BRD8: variants seen among roughly 807,000 people sequenced by gnomAD.
The protein encoded by BRD8 is bromodomain containing 8, also known as bromodomain-containing protein 8.
Under a neutral mutation model 143.1 loss-of-function variants are expected in BRD8, and 67 were observed. The ratio of observed to expected loss-of-function variants is 0.47; its 90% CI spans 0.38 to 0.57. The LOEUF (loss-of-function observed/expected upper bound fraction) is 0.57. BRD8 is among the 20% of genes least tolerant of loss of function. The probability of loss-of-function intolerance (pLI) is 0.00; values close to 1 mark genes in which losing one functional copy is unlikely to be tolerated. For synonymous variants in BRD8, 505 were observed against 517.1 expected (o/e 0.98, Z 0.32); for missense variants, 1,103 against 1,503.0 (o/e 0.73, Z 4.40).
intron 10 of BRD8, 191 bp downstream of exon 10, chr5:138,166,327 G>C (rs1480728212): frequency 3.3e-5 from 20 of 614,498 alleles, no homozygotes; most frequent in Non-Finnish European, 5.4e-5. Context: ...GCCTCTTCCT[G>C]CAATACATAA....
chr5:138,156,041 AT>A (rs1011162221), intron 20 of BRD8, among the ~76,000 whole-genome samples: 180 of 143,832 alleles, frequency 1.3e-3, no homozygotes, highest in South Asian at 1.1e-3. Context: ...TGCTGGGCTA[AT>A]TTTTTTTTTT....
intron 19 of BRD8, 24 bp from the exon 20 acceptor site, chr5:138,159,623 G>C (rs773910138): frequency 1.2e-6 from 2 of 1,612,598 alleles, no homozygotes; most frequent in African/African-American, 1.3e-5. Flanking sequence ...AACAAACACT[G>C]ATCAGGTTCC....
intron 3 of BRD8, 117 bp downstream of exon 3, chr5:138,171,948 T>A: frequency 1.3e-6 from 1 of 799,118 alleles, no homozygotes. Context: ...AAAGGTATTC[T>A]CAACTATTTT....
chr5:138,168,414 T>C, intron 8 of BRD8: 2 of 1,223,266 alleles, frequency 1.6e-6, no homozygotes, highest in Non-Finnish European at 1.2e-6. Flanking sequence ...TCCCAGGCAC[T>C]CCCTTCCAAG....
chr5:138,172,276 G>A (rs1259405318), intron 2 of BRD8, 142 bp from the exon 3 acceptor site: 6 of 598,986 alleles, frequency 1.0e-5, no homozygotes, highest in Admixed American at 3.0e-5. Context: ...TGTAATCCCA[G>A]CACTTTGGGA....
Position 138,144,118 on chromosome 5 carries a change from G to A in BRD8, c.3437+1059C>T, listed in dbSNP as rs557660831. Among the ~76,000 whole-genome samples, 54 of 152,252 alleles carry A rather than the reference G, an allele frequency of 3.5e-4. 1 individual carries two copies. The highest frequency in any genetic ancestry group is 3.9e-4 in the East Asian group (2 of 5,188). The stretch of plus-strand genomic sequence containing the variant: ...CCCAACAAGAGGAATAAACAACTCC[G>A]GATGTACCACCTTTAAGAGCTGTAA... On this transcript the variant is annotated intron_variant, in intron 25 of 26. Coordinates refer to ENST00000254900, the MANE Select transcript of BRD8 (RefSeq NM_139199.2).
At position 138,166,605 on chromosome 5, in the gene BRD8, C is replaced by G; in HGVS notation, c.910G>C (p.Val304Leu). The part of the protein sequence containing the change: ...VKLVPPPVES[V>L]SQATIVMMPA... ...ATCATGACAATGGTAGCTTGGGACA[C>G]AGACTCTACAGGGGGTGGCACAAGT... The change falls in exon 10 of 27, where the codon GTG becomes CTG. Residue 304 changes from valine to leucine, a missense_variant. By Grantham distance (32) the Val-to-Leu change is conservative. This residue lies in a region of BRD8 where 334 missense variants were observed against 372.5 expected (regional missense o/e 0.90). Coordinates refer to ENST00000254900, the MANE Select transcript of BRD8 (RefSeq NM_139199.2). The G allele has an allele frequency of 6.2e-7, 1 of 1,613,850 alleles. No individual in the cohort carries two copies. The highest frequency in any genetic ancestry group is 8.5e-7 in the Non-Finnish European group (1 of 1,179,792).
intron 10 of BRD8, 127 bp from the exon 11 acceptor site, chr5:138,166,235 C>CA (rs1753409874): frequency 1.8e-5 from 13 of 722,748 alleles, no homozygotes. Context: ...GAGTCATCAA[C>CA]ATGTGCCTAT....
chr5:138,169,120 A>C (rs1753670745), intron 8 of BRD8, 102 bp downstream of exon 8: 1 of 1,263,288 alleles, frequency 7.9e-7, no homozygotes, highest in African/African-American at 1.5e-5. Context: ...TCAGATCAAG[A>C]GAGGAAGTTG....
chr5:138,154,851 G>T (rs1361491002), intron 20 of BRD8, among the ~76,000 whole-genome samples: 2 of 135,278 alleles, frequency 1.5e-5, no homozygotes, highest in Non-Finnish European at 3.1e-5. Flanking sequence ...TTTTTTTTGA[G>T]ATGGAGTCTT....
chr5:138,146,152 G>A (rs993559398), intron 23 of BRD8, among the ~76,000 whole-genome samples: 1 of 151,670 alleles, frequency 6.6e-6, no homozygotes, highest in African/African-American at 2.4e-5. Context: ...CTGCCTCCCG[G>A]GTTCCAGCGA....
At chr5:138,142,173 A>G (rs1751935086) in intron 25 of BRD8, among the ~76,000 whole-genome samples, 1 of 152,172 alleles carries the variant, frequency 6.6e-6, no homozygotes, top group Non-Finnish European at 1.5e-5. Context: ...CCCTTCTGCC[A>G]TGTGAGGATA....
chr5:138,172,490 T>C (rs1753945484), intron 2 of BRD8, among the ~76,000 whole-genome samples: 1 of 112,968 alleles, frequency 8.9e-6, no homozygotes, highest in Non-Finnish European at 1.6e-5. Context: ...ACCACCGCAC[T>C]CCAGCCTGGG....
chr5:138,164,905 C>T lies in BRD8; in HGVS notation c.1540G>A (p.Glu514Lys). ...GCTCCTGAAATGACTGGCTCTGGTT[C>T]TGCAGGTTCCACCTTGATCTCTGCA... Reference protein sequence around the residue: ...PSAEIKVEPAEPEPVISGAEI... With the variant: ...PSAEIKVEPAKPEPVISGAEI... The change falls in exon 12 of 27, where the codon GAA (glutamate) becomes AAA (lysine). Residue 514 changes from glutamate to lysine, a missense_variant. Glu to Lys is a moderately conservative substitution (Grantham distance 56). This residue lies in a region of BRD8 where 139 missense variants were observed against 139.0 expected (regional missense o/e 1.00). Transcript: ENST00000254900. The T allele has an allele frequency of 6.2e-7, 1 of 1,614,206 alleles. No individual in the cohort carries two copies. Among genetic ancestry groups the T allele is most frequent in the Admixed American group, 1.7e-5 (1 of 60,026 alleles).
intron 21 of BRD8, 72 bp from the exon 22 acceptor site, chr5:138,151,080 A>G: frequency 6.6e-7 from 1 of 1,519,576 alleles, no homozygotes; most frequent in Non-Finnish European, 8.9e-7. Flanking sequence ...CAACAATGCC[A>G]CATGCTAACA....
intron 20 of BRD8, among the ~76,000 whole-genome samples, chr5:138,153,682 T>C (rs935858555): frequency 4.0e-5 from 6 of 149,044 alleles, no homozygotes; most frequent in Non-Finnish European, 5.9e-5. Flanking sequence ...TCTTTTTTTT[T>C]TTTTTTTTTT....
chr5:138,169,458 G>T (rs1753700850), intron 7 of BRD8, 100 bp from the exon 8 acceptor site: 5 of 1,325,724 alleles, frequency 3.8e-6, no homozygotes, highest in Non-Finnish European at 5.2e-6. Context: ...TAGGTATGTT[G>T]CATTACTAAA....
chr5:138,156,005 GCTGGGA>G (rs1400281332), intron 20 of BRD8, among the ~76,000 whole-genome samples: 1 of 151,586 alleles, frequency 6.6e-6, no homozygotes, highest in African/African-American at 2.4e-5. Context: ...TTCCCGAGTA[GCTGGGA>G]CTACAGGTGC....
intron 16 of BRD8, 37 bp downstream of exon 16, chr5:138,162,017 G>A: frequency 2.5e-6 from 4 of 1,591,928 alleles, no homozygotes; most frequent in Non-Finnish European, 3.4e-6. Context: ...TGAAGAGTAG[G>A]AGAAAATGAA....
Sources: gnomAD v4.1 joint callset for allele counts (sites outside exome capture counted in the v4.1 genomes callset) on GRCh38, gnomAD v4.1.1 for gene constraint, gnomAD v4.1.1 regional missense constraint, MANE v1.5 for transcripts, NCBI Gene and HGNC (gene_info 2026-07-23, HGNC 2026-07-21) for gene names.